EOLA1: variants seen among roughly 807,000 people sequenced by gnomAD.
The protein encoded by EOLA1 is endothelium and lymphocyte associated ASCH domain 1, also known as protein EOLA1.
In EOLA1, 1 loss-of-function variant was observed where a neutral mutation model predicts 4.5. The observed-to-expected ratio is 0.22, with a 90% confidence interval of 0.08 to 1.05. EOLA1 has a LOEUF of 1.05. Among genes scored for constraint, EOLA1 ranks in the 50% least tolerant of loss-of-function variants. EOLA1 has a pLI of 0.57. For missense variants in EOLA1, 69 were observed against 127.2 expected, an observed-to-expected ratio of 0.54 and a Z score of 2.20; for synonymous variants, 37 against 52.3, an observed-to-expected ratio of 0.71 and a Z score of 1.26.
intron 2 of EOLA1, among the ~76,000 whole-genome samples, chrX:149,542,360 C>T (rs2089746238): frequency 9.1e-6 from 1 of 109,698 alleles, no homozygotes; most frequent in South Asian, 3.9e-4. Flanking sequence ...GAAGAATAAT[C>T]ATGCTCAGGG....
At chrX:149,541,877 A>G in intron 1 of EOLA1, 142 bp from the exon 2 acceptor site, 1 of 653,071 alleles carries the variant, frequency 1.5e-6, no homozygotes, top group Non-Finnish European at 1.8e-6. Flanking sequence ...TGATGTGCAC[A>G]TGTGTGTTAC....
At chrX:149,542,375 C>G (rs1351322982) in intron 2 of EOLA1, among the ~76,000 whole-genome samples, 1 of 109,012 alleles carries the variant, frequency 9.2e-6, no homozygotes, top group Non-Finnish European at 1.9e-5. Context: ...TCAGGGGCCA[C>G]AAGTGTGTGA....
rs2089826458 is a variant in EOLA1 at position 149,545,606 on chromosome X, C to CG, written c.-22dup. ...TGCGCTTCTGTGCTTCCGCAGGCTA[C>CG]GGGAGGCCCGGGGCGCTTGCGAAGA... On this transcript the variant is annotated 5_prime_UTR_variant, in exon 4 of 5. Coordinates refer to ENST00000393985, the MANE Select transcript of EOLA1 (RefSeq NM_001171907.3). The CG allele has an allele frequency of 8.3e-7, 1 of 1,198,583 alleles. No individual in the cohort carries two copies. The highest frequency in any genetic ancestry group is 1.7e-5 in the African/African-American group (1 of 57,338).
chrX:149,546,360 C>A (rs1244729599), intron 4 of EOLA1, among the ~76,000 whole-genome samples: 1 of 103,131 alleles, frequency 9.7e-6, no homozygotes, highest in Non-Finnish European at 2.0e-5. Context: ...TGACTGAGGC[C>A]CGACATCAGC....
At chrX:149,545,312 C>T (rs1224677236) in intron 2 of EOLA1, 56 bp from the exon 3 acceptor site, 32 of 947,837 alleles carry the variant, frequency 3.4e-5, no homozygotes, top group Non-Finnish European at 4.2e-5. Context: ...CCCTAGGGCT[C>T]GGTGACCTCT....
In EOLA1 at chrX:149,547,899, C is replaced by G. The variant is rs1211391282; in HGVS notation, c.*937C>G. 2.2e-5 allele frequency: 2 copies of G among 89,287 alleles called. No homozygotes were observed. Among genetic ancestry groups the G allele is most frequent in the African/African-American group, 8.7e-5 (2 of 23,001 alleles). The allele number at this position is 89,287 out of a possible 1,213,427, so 7.4% of individuals were successfully genotyped here. ...GGGATGCTGAGCTGCTGACCAGACACTTCCTGGCAACATTGGGAGGGACCC... is the reference window on the plus strand; with the variant it reads ...GGGATGCTGAGCTGCTGACCAGACAGTTCCTGGCAACATTGGGAGGGACCC... On this transcript the variant is annotated 3_prime_UTR_variant, in exon 5 of 5. Coordinates refer to ENST00000393985, the MANE Select transcript of EOLA1 (RefSeq NM_001171907.3).
rs782624259 is a variant in EOLA1 at position 149,541,485 on chromosome X, C to T, written c.-230+142C>T. The T allele has an allele frequency of 2.3e-4, 26 of 112,905 alleles. No homozygotes were observed. The South Asian group carries it at 9.1e-3, about 39-fold the overall frequency. The allele number at this position is 112,905 out of a possible 1,213,427, so 9.3% of individuals were successfully genotyped here. A position where few individuals can be genotyped will look rare whatever the true frequency, so the allele number is the denominator to read the frequency against. On this transcript the variant is annotated intron_variant, in intron 1 of 4. Transcript: ENST00000393985. ...CGCGTGTACCCGCGACGTGCGTCTG[C>T]GAGTAGAAAGCCCGTGTACTGCTCC...
intron 1 of EOLA1, 57 bp from the exon 2 acceptor site, chrX:149,541,962 C>T: frequency 7.4e-6 from 5 of 672,708 alleles, no homozygotes; most frequent in African/African-American, 2.4e-5. Flanking sequence ...GGGCCATTAA[C>T]CAGCTTTGCT....
Position 149,547,082 on chromosome X carries a change from G to A in EOLA1, c.*120G>A. The A allele has an allele frequency of 8.8e-7, 1 of 1,137,857 alleles. No homozygotes were observed. The highest frequency in any genetic ancestry group is 1.2e-6 in the Non-Finnish European group (1 of 857,351). The allele number at this position is 1,137,857 out of a possible 1,213,427, so 93.8% of individuals were successfully genotyped here. ...TTAAATCTGAATTTCCACTGCTTTG[G>A]AGAGTCCCACCCACTAAGCACTGTG... On this transcript the variant is annotated 3_prime_UTR_variant, in exon 5 of 5. Coordinates refer to ENST00000393985, the MANE Select transcript of EOLA1 (RefSeq NM_001171907.3).
chrX:149,550,488 A>G (rs1404570766), downstream of EOLA1: 2 of 97,107 alleles, frequency 2.1e-5, no homozygotes, highest in Non-Finnish European at 3.9e-5. Context: ...ACTCCTAATG[A>G]TTGGTTGCAT....
chrX:149,544,431 G>T, intron 2 of EOLA1: 11 of 516,405 alleles, frequency 2.1e-5, no homozygotes, highest in Non-Finnish European at 2.6e-5. Context: ...ACAGAGAGAG[G>T]AGTAGGGGCA....
rs1223112343 is a variant in EOLA1, at chrX:149,548,247, T to G, written c.*1285T>G. The G allele has an allele frequency of 2.2e-6, 1 of 456,808 alleles. No individual in the cohort carries two copies. The highest frequency in any genetic ancestry group is 3.1e-6 in the Non-Finnish European group (1 of 319,113). The allele number at this position is 456,808 out of a possible 1,213,427, so 37.6% of individuals were successfully genotyped here. A position where few individuals can be genotyped will look rare whatever the true frequency, so the allele number is the denominator to read the frequency against. ...TTGTTTATTATTTATTTCCATGGAA[T>G]TTTGTTTTTCTTTATTAAGACCAAA... On this transcript the variant is annotated 3_prime_UTR_variant, in exon 5 of 5. Transcript: ENST00000393985.
rs782641267 is a variant in EOLA1, at chrX:149,541,132, C to T, written c.-441C>T. On this transcript the variant is annotated 5_prime_UTR_variant, in exon 1 of 5. Coordinates refer to ENST00000393985, the MANE Select transcript of EOLA1 (RefSeq NM_001171907.3). ...CTCTTCTCACAGCGGCCCACGTCTC[C>T]TTGCTTGGGAGCCCATCGTCCTGGC... 1 of 111,878 alleles carries T rather than the reference C, an allele frequency of 8.9e-6. No individual in the cohort carries two copies. Among genetic ancestry groups the T allele is most frequent in the East Asian group, 2.8e-4 (1 of 3,515 alleles). The allele number at this position is 111,878 out of a possible 1,213,427, so 9.2% of individuals were successfully genotyped here.
At chrX:149,541,381 G>A (rs1345979922) in intron 1 of EOLA1, 38 bp downstream of exon 1, 2 of 113,855 alleles carry the variant, frequency 1.8e-5, no homozygotes, top group African/African-American at 6.4e-5. Context: ...TGTGGGGCTG[G>A]GAACTCGTGC....
Position 149,548,276 on chromosome X carries a change from G to A in EOLA1, c.*1314G>A. ...GTTTTTCTTTATTAAGACCAAAAAT[G>A]TGTTTCTCATTAAAAAATGGCAACT... is the stretch of plus-strand genomic sequence containing the variant. On this transcript the variant is annotated 3_prime_UTR_variant, in exon 5 of 5. Transcript: ENST00000393985. 2.5e-6 allele frequency: 2 copies of A among 788,443 alleles called. No individual in the cohort carries two copies. The highest frequency in any genetic ancestry group is 1.5e-4 in the South Asian group (2 of 13,586). 65.0% of individuals were successfully genotyped at this position (788,443 alleles called of 1,213,427 possible).
chrX:149,548,613 G>A (rs1432542162), downstream of EOLA1: 7 of 843,737 alleles, frequency 8.3e-6, no homozygotes, highest in African/African-American at 1.5e-4. Context: ...TCCTGAGGGG[G>A]CCCATTTCCC....
chrX:149,547,144 A>C lies in EOLA1; in HGVS notation c.*182A>C, dbSNP rs1436040225. On this transcript the variant is annotated 3_prime_UTR_variant, in exon 5 of 5. Transcript: ENST00000393985. ...GTTCCTTTGCTCAGATGAAGGAAGT[A>C]GGGGGTGGGGCTTTCCTTGTGTGAT... 9.7e-6 allele frequency: 10 copies of C among 1,031,318 alleles called. No individual in the cohort carries two copies. The highest frequency in any genetic ancestry group is 1.3e-5 in the Non-Finnish European group (10 of 792,035). 85.0% of individuals were successfully genotyped at this position (1,031,318 alleles called of 1,213,427 possible).
intron 2 of EOLA1, chrX:149,544,892 G>T (rs1383702012): frequency 1.3e-6 from 1 of 752,208 alleles, no homozygotes; most frequent in South Asian, 6.8e-5. Flanking sequence ...CATGTGTGTG[G>T]GGTTGCTAGT....
chrX:149,540,609 C>T (rs1430905386), upstream of EOLA1: 3 of 99,252 alleles, frequency 3.0e-5, no homozygotes, highest in African/African-American at 3.8e-5. Flanking sequence ...CCCTCCCCAG[C>T]GGTTTCTCCC....
Sources: allele counts gnomAD v4.1 joint callset (sites outside exome capture counted in the v4.1 genomes callset), GRCh38; gene constraint gnomAD v4.1.1; transcripts MANE v1.5; gene names NCBI Gene and HGNC (gene_info 2026-07-23, HGNC 2026-07-21).